ERBB4: variants seen among roughly 807,000 people sequenced by gnomAD.
ERBB4 encodes erb-b2 receptor tyrosine kinase 4.
ERBB4 carries 42 observed loss-of-function variants against 158.0 expected under a neutral mutation model. The observed-to-expected ratio is 0.27, with a 90% confidence interval of 0.21 to 0.34. The LOEUF is 0.34. Among genes scored for constraint, ERBB4 ranks in the 10% least tolerant of loss-of-function variants. The pLI, the probability that ERBB4 is intolerant of heterozygous loss-of-function variation, is 1.00. For synonymous variants in ERBB4, 583 were observed against 558.7 expected (o/e 1.04, Z -0.61); for missense variants, 1,333 against 1,624.1 (o/e 0.82, Z 3.08).
chr2:212,272,902 G>A (rs1334441151), intron 1 of ERBB4, among the ~76,000 whole-genome samples: 4 of 151,378 alleles, frequency 2.6e-5, no homozygotes, highest in Non-Finnish European at 5.9e-5. Flanking sequence ...AAAATCAGCT[G>A]TTAAATATAA....
intron 2 of ERBB4, among the ~76,000 whole-genome samples, chr2:211,977,213 C>A (rs1394333713): frequency 6.6e-6 from 1 of 152,062 alleles, no homozygotes. Flanking sequence ...AGAAATTGAG[C>A]CTTCATAACA....
chr2:212,439,271 T>C (rs971355658), intron 1 of ERBB4, among the ~76,000 whole-genome samples: 2 of 152,220 alleles, frequency 1.3e-5, no homozygotes, highest in African/African-American at 4.8e-5. Context: ...ACAGCTGGAA[T>C]ACCTAGCTCA....
At chr2:211,688,680 C>G (rs946443309) in intron 12 of ERBB4, among the ~76,000 whole-genome samples, 1 of 152,092 alleles carries the variant, frequency 6.6e-6, no homozygotes, top group Admixed American at 6.5e-5. Flanking sequence ...TTCTTGTTTA[C>G]AGACAAAATT....
intron 1 of ERBB4, among the ~76,000 whole-genome samples, chr2:212,178,087 A>G (rs1325543189): frequency 6.6e-6 from 1 of 151,626 alleles, no homozygotes; most frequent in East Asian, 1.9e-4. Context: ...AAGGGTAAAA[A>G]GTGGTGATAG....
chr2:211,905,255 C>G (rs2079347507), intron 3 of ERBB4, among the ~76,000 whole-genome samples: 2 of 151,822 alleles, frequency 1.3e-5, no homozygotes, highest in African/African-American at 2.4e-5. Context: ...CTCATAGTCC[C>G]CTTCCTTCCA....
chr2:212,439,726 C>A (rs1400908704), intron 1 of ERBB4, among the ~76,000 whole-genome samples: 1 of 152,096 alleles, frequency 6.6e-6, no homozygotes, highest in Non-Finnish European at 1.5e-5. Flanking sequence ...TAACCAGAAA[C>A]AGCCTTCTGG....
At chr2:211,938,865 A>G (rs1478790047) in intron 3 of ERBB4, among the ~76,000 whole-genome samples, 1 of 152,156 alleles carries the variant, frequency 6.6e-6, no homozygotes, top group Non-Finnish European at 1.5e-5. Context: ...ATTACTTTCC[A>G]AAAGAATCCT....
At chr2:212,225,720 T>A (rs1268133383) in intron 1 of ERBB4, among the ~76,000 whole-genome samples, 1 of 152,018 alleles carries the variant, frequency 6.6e-6, no homozygotes, top group Non-Finnish European at 1.5e-5. Flanking sequence ...ATTCAATGTT[T>A]TCCTATAGGA....
intron 3 of ERBB4, among the ~76,000 whole-genome samples, chr2:211,878,203 T>C (rs2078563192): frequency 6.6e-6 from 1 of 152,220 alleles, no homozygotes; most frequent in Admixed American, 6.5e-5. Context: ...TCGAAATTTA[T>C]CTTATAATTT....
chr2:212,470,329 G>T (rs1689054078), intron 1 of ERBB4, among the ~76,000 whole-genome samples: 1 of 151,454 alleles, frequency 6.6e-6, no homozygotes, highest in South Asian at 2.1e-4. Context: ...TAGCTTTGAG[G>T]TGAAAAAAAA....
At chr2:212,503,785 G>C (rs1691031569) in intron 1 of ERBB4, among the ~76,000 whole-genome samples, 1 of 152,054 alleles carries the variant, frequency 6.6e-6, no homozygotes, top group Admixed American at 6.6e-5. Context: ...CTTACTTTGT[G>C]GTATTTACCA....
chr2:212,083,457 G>A (rs913805859), intron 2 of ERBB4, among the ~76,000 whole-genome samples: 2 of 151,830 alleles, frequency 1.3e-5, no homozygotes, highest in Non-Finnish European at 2.9e-5. Context: ...ATGCAAAATG[G>A]AATAAATAAC....
chr2:211,944,541 G>A (rs2080624138), intron 3 of ERBB4, among the ~76,000 whole-genome samples: 2 of 151,924 alleles, frequency 1.3e-5, no homozygotes, highest in Admixed American at 1.3e-4. Context: ...AACATGCAGT[G>A]TATTTCTTGT....
At chr2:212,170,919 G>T (rs1260742145) in intron 1 of ERBB4, among the ~76,000 whole-genome samples, 2 of 152,104 alleles carry the variant, frequency 1.3e-5, no homozygotes, top group African/African-American at 4.8e-5. Context: ...CCCCCTCACA[G>T]ATTCCCCACC....
Position 212,124,828 on chromosome 2 carries a change from T to G in ERBB4, c.158A>C (p.Tyr53Ser). The change falls in exon 2 of 28, where the codon TAT becomes TCT. Residue 53 changes from tyrosine to serine, a missense_variant. By Grantham distance (144) the Tyr-to-Ser change is moderately radical (BLOSUM62 -2). This residue lies in a region of ERBB4 where 438 missense variants were observed against 586.9 expected (regional missense o/e 0.75). Transcript: ENST00000342788. ...EQQYRALRKY[Y>S]ENCEVVMGNL... ...GCCCATGACAACCTCACAGTTTTCA[T>G]AGTACTTGCGCAAGGCTCGGTACTG... is the stretch of plus-strand genomic sequence containing the variant. 6.2e-7 allele frequency: 1 copy of G among 1,614,208 alleles called. No individual in the cohort carries two copies. The highest frequency in any genetic ancestry group is 8.5e-7 in the Non-Finnish European group (1 of 1,180,018).
intron 2 of ERBB4, among the ~76,000 whole-genome samples, chr2:212,011,754 A>G (rs914631312): frequency 2.2e-5 from 3 of 137,434 alleles, no homozygotes; most frequent in Non-Finnish European, 1.6e-5. Flanking sequence ...TGTCTCAAAG[A>G]AAAAAAAAAA....
intron 19 of ERBB4, among the ~76,000 whole-genome samples, chr2:211,600,239 T>C (rs1243278434): frequency 6.6e-6 from 1 of 152,142 alleles, no homozygotes; most frequent in Non-Finnish European, 1.5e-5. Context: ...CAGTTAACTG[T>C]TTTAAGTACA....
intron 1 of ERBB4, among the ~76,000 whole-genome samples, chr2:212,403,875 A>C (rs1263225952): frequency 6.6e-6 from 1 of 152,004 alleles, no homozygotes; most frequent in Non-Finnish European, 1.5e-5. Context: ...CAATAAAATA[A>C]AATAAACCAA....
intron 12 of ERBB4, among the ~76,000 whole-genome samples, chr2:211,700,241 G>A (rs1575009087): frequency 2.6e-5 from 4 of 152,092 alleles, no homozygotes; most frequent in African/African-American, 9.7e-5. Context: ...CACATATTGT[G>A]ATATGGGGTA....
Sources: gnomAD v4.1 joint callset for allele counts (sites outside exome capture counted in the v4.1 genomes callset) on GRCh38, gnomAD v4.1.1 for gene constraint, gnomAD v4.1.1 regional missense constraint, MANE v1.5 for transcripts, NCBI Gene and HGNC (gene_info 2026-07-23, HGNC 2026-07-21) for gene names.